The following LARGE1 variants were observed in gnomAD, a reference collection of about 807,000 sequenced individuals.
LARGE1 encodes LARGE xylosyl- and glucuronyltransferase 1, also known as xylosyl- and glucuronyltransferase LARGE1.
A neutral mutation model predicts 87.6 loss-of-function variants in LARGE1; 43 were observed. That is an observed-to-expected ratio of 0.49 (90% CI 0.38 to 0.63). LARGE1 has a LOEUF of 0.63. Ranked by LOEUF, LARGE1 falls within the 30% of genes least tolerant of loss-of-function variation. The pLI, the probability that LARGE1 is intolerant of heterozygous loss-of-function variation, is 0.00. For synonymous variants in LARGE1, 434 were observed against 394.6 expected, an observed-to-expected ratio of 1.10 and a Z score of -1.18; for missense variants, 802 against 1,000.2, an observed-to-expected ratio of 0.80 and a Z score of 2.67.
chr22:33,412,101 T>C (rs1264522417), intron 7 of LARGE1, among the ~76,000 whole-genome samples: 1 of 152,100 alleles, frequency 6.6e-6, no homozygotes, highest in Non-Finnish European at 1.5e-5. Flanking sequence ...CTGGCCAACA[T>C]GGCAAAATCC....
At chr22:33,659,940 A>G (rs2081071550) in intron 2 of LARGE1, among the ~76,000 whole-genome samples, 1 of 152,268 alleles carries the variant, frequency 6.6e-6, no homozygotes. Context: ...AGACATTTTT[A>G]GCACCAATTT....
intron 4 of LARGE1, among the ~76,000 whole-genome samples, chr22:33,617,857 C>A (rs1297293462): frequency 6.6e-6 from 1 of 152,206 alleles, no homozygotes; most frequent in African/African-American, 2.4e-5. Context: ...TAACTGCTCC[C>A]TTGTTCCAGG....
chr22:33,886,687 A>C (rs1284866488), intron 1 of LARGE1, among the ~76,000 whole-genome samples: 1 of 141,046 alleles, frequency 7.1e-6, no homozygotes, highest in Non-Finnish European at 1.6e-5. Context: ...AAAAAAAAGG[A>C]AGGGAGGGAG....
chr22:33,381,807 C>A, intron 9 of LARGE1, 112 bp downstream of exon 9: 1 of 1,374,870 alleles, frequency 7.3e-7, no homozygotes, highest in Non-Finnish European at 1.0e-6. Context: ...CTCTCCTGTG[C>A]CCTTATCTCT....
intron 1 of LARGE1, among the ~76,000 whole-genome samples, chr22:33,885,983 T>A (rs2064833096): frequency 6.6e-6 from 1 of 150,516 alleles, no homozygotes; most frequent in Non-Finnish European, 1.5e-5. Context: ...TGAGCCGAGA[T>A]CATGCCGTGG....
rs375495190 is a variant in LARGE1, at chr22:33,651,009, G to A, written c.107-341C>T. Among the ~76,000 whole-genome samples, 10 of 151,616 alleles carry A rather than the reference G, an allele frequency of 6.6e-5. No individual in the cohort carries two copies. In the South Asian group the frequency reaches 1.3e-3, roughly 19 times the overall value. On this transcript the variant is annotated intron_variant, in intron 2 of 14. Coordinates refer to ENST00000397394, the MANE Select transcript of LARGE1 (RefSeq NM_133642.5). Reference sequence around the variant, plus strand: ...AAAGAATTATGAATACAAAGTGGGCGGATTGGGGAGAAAGACAAGGGAGGG... The same window carrying A: ...AAAGAATTATGAATACAAAGTGGGCAGATTGGGGAGAAAGACAAGGGAGGG...
intron 2 of LARGE1, among the ~76,000 whole-genome samples, chr22:33,682,029 T>C (rs1183297187): frequency 6.6e-6 from 1 of 152,204 alleles, no homozygotes. Context: ...TTGGGTGCTC[T>C]CTGGCTGGAA....
chr22:33,371,722 C>T lies in LARGE1; in HGVS notation c.1131+10197G>A, dbSNP rs190702112. ...AATGTTTGCCGGGCGCGGTGGCTCA[C>T]GCCTATAATCCCAGCACTTTGGGAG... On this transcript the variant is annotated intron_variant, in intron 9 of 14. Coordinates refer to ENST00000397394, the MANE Select transcript of LARGE1 (RefSeq NM_133642.5). Among the ~76,000 whole-genome samples, 317 of 152,222 alleles carry T rather than the reference C, an allele frequency of 2.1e-3. 2 individuals are homozygous for T. Among genetic ancestry groups the T allele is most frequent in the African/African-American group, 7.2e-3 (301 of 41,548 alleles).
intron 2 of LARGE1, among the ~76,000 whole-genome samples, chr22:33,728,035 A>T (rs1023534632): frequency 6.6e-6 from 1 of 152,156 alleles, no homozygotes; most frequent in Non-Finnish European, 1.5e-5. Flanking sequence ...ATATAAACAG[A>T]GAGAAAACCC....
intron 7 of LARGE1, among the ~76,000 whole-genome samples, chr22:33,424,231 G>C (rs969328126): frequency 9.8e-5 from 15 of 152,326 alleles, no homozygotes; most frequent in Admixed American, 2.0e-4. Context: ...AGAACAGTGA[G>C]CGGAAGTTTA....
intron 1 of LARGE1, among the ~76,000 whole-genome samples, chr22:33,885,336 C>T (rs188730564): frequency 3.9e-5 from 6 of 152,320 alleles, no homozygotes; most frequent in Admixed American, 3.3e-4. Flanking sequence ...AGCTCCAACT[C>T]CTGCCTCTGA....
chr22:33,630,213 A>G (rs1033185479), intron 3 of LARGE1, among the ~76,000 whole-genome samples: 31 of 152,018 alleles, frequency 2.0e-4, no homozygotes, highest in African/African-American at 6.5e-4. Flanking sequence ...AAAAAACCCC[A>G]AAAAACCGAA....
intron 2 of LARGE1, among the ~76,000 whole-genome samples, chr22:33,696,353 C>A: frequency 6.7e-6 from 1 of 150,130 alleles, no homozygotes; most frequent in Admixed American, 6.7e-5. Context: ...ACCTCTGCCT[C>A]CTGGTTTCAA....
intron 11 of LARGE1, among the ~76,000 whole-genome samples, chr22:33,233,030 G>GT (rs1466832261): frequency 1.3e-5 from 2 of 152,172 alleles, no homozygotes; most frequent in African/African-American, 4.8e-5. Flanking sequence ...AGCTTCAAAG[G>GT]TTGAATGTGC....
intron 6 of LARGE1, among the ~76,000 whole-genome samples, chr22:33,454,280 C>T (rs970427999): frequency 2.0e-5 from 3 of 152,064 alleles, no homozygotes; most frequent in Non-Finnish European, 4.4e-5. Flanking sequence ...TCCATTCTCA[C>T]ATTGCTATAA....
the LARGE1 span, among the ~76,000 whole-genome samples, chr22:33,087,227 T>C: frequency 3.3e-5 from 5 of 151,918 alleles, no homozygotes; most frequent in African/African-American, 4.8e-5. Context: ...TTATTTTAAG[T>C]AGAAAAAATT....
Position 33,640,759 on chromosome 22 carries a change from C to A in LARGE1, c.408+9608G>T, listed in dbSNP as rs1238989851. Among the ~76,000 whole-genome samples the A allele has an allele frequency of 2.0e-5, 3 of 152,144 alleles. No individual in the cohort carries two copies. In the East Asian group the frequency reaches 5.8e-4, roughly 29 times the overall value. On this transcript the variant is annotated intron_variant, in intron 3 of 14. Coordinates refer to ENST00000397394, the MANE Select transcript of LARGE1 (RefSeq NM_133642.5). ...TTGAGCTTGGTGGAGAAAGGGGCGT[C>A]CACCATACTGAGGCCTGAGTATGCG...
intron 2 of LARGE1, among the ~76,000 whole-genome samples, chr22:33,753,036 A>G (rs2084379805): frequency 6.6e-6 from 1 of 152,174 alleles, no homozygotes; most frequent in Non-Finnish European, 1.5e-5. Context: ...CCTGGCCAAC[A>G]TGATGAAAAC....
In LARGE1 at chr22:33,580,436, T is replaced by G. The variant is rs117760527; in HGVS notation, c.616-15417A>C. ...CTCTGTCAGCCTGAAAATGGGATGA[T>G]GTACAGGAAAATACCCAGCAGAGGA... is the stretch of plus-strand genomic sequence containing the variant. On this transcript the variant is annotated intron_variant, in intron 5 of 14. Transcript: ENST00000397394. Among the ~76,000 whole-genome samples, 79 of 151,072 alleles carry G rather than the reference T, an allele frequency of 5.2e-4. No homozygotes were observed. The East Asian group carries it at 0.013, about 25-fold the overall frequency.
Sources: allele counts gnomAD v4.1 joint callset (sites outside exome capture counted in the v4.1 genomes callset), GRCh38; gene constraint gnomAD v4.1.1; transcripts MANE v1.5; gene names NCBI Gene and HGNC (gene_info 2026-07-23, HGNC 2026-07-21).